Variants in SYMPK observed in about 807,000 individuals in gnomAD.
SYMPK encodes the protein symplekin scaffold protein, also known as symplekin.
Under a neutral mutation model 136.4 loss-of-function variants are expected in SYMPK, and 49 were observed. That is an observed-to-expected ratio of 0.36 (90% CI 0.29 to 0.46). The LOEUF is 0.46. SYMPK is among the 20% of genes least tolerant of loss of function. The pLI is 1.00. For synonymous variants in SYMPK, 766 were observed against 713.0 expected (o/e 1.07, Z -1.19); for missense variants, 1,365 against 1,690.0 (o/e 0.81, Z 3.37).
intron 1 of SYMPK, among the ~76,000 whole-genome samples, chr19:45,861,699 T>G (rs548563866): frequency 6.6e-6 from 1 of 150,674 alleles, no homozygotes; most frequent in African/African-American, 2.4e-5. Flanking sequence ...ATCACGCCAC[T>G]GCACTCCAGC....
At position 45,818,121 on chromosome 19, in the gene SYMPK, C is replaced by G. The variant is rs1359947639; in HGVS notation, c.2919G>C (p.Arg973=). Residue 973 remains arginine, a synonymous_variant, in exon 23 of 27, where the codon CGG becomes CGC. Coordinates refer to ENST00000245934, the MANE Select transcript of SYMPK (RefSeq NM_004819.3). The part of the protein sequence containing the change: ...IKATNLCFAE[R]NVYTSEVLAV... The stretch of plus-strand genomic sequence containing the variant: ...CCAGCACCTCTGACGTGTACACGTT[C>G]CGCTCCGCAAAGCACAGGTTGGTGG... The G allele has an allele frequency of 6.4e-7, 1 of 1,552,572 alleles. No individual in the cohort carries two copies. The highest frequency in any genetic ancestry group is 8.7e-7 in the Non-Finnish European group (1 of 1,147,680).
chr19:45,858,576 C>T (rs1405153911), intron 1 of SYMPK, among the ~76,000 whole-genome samples: 1 of 152,040 alleles, frequency 6.6e-6, no homozygotes, highest in Non-Finnish European at 1.5e-5. Flanking sequence ...AGTGCAATGG[C>T]GTGATCTCAG....
chr19:45,816,860 C>T lies in SYMPK; in HGVS notation c.3196G>A (p.Asp1066Asn), dbSNP rs1470963474. The T allele has an allele frequency of 6.5e-7, 1 of 1,549,832 alleles. No individual in the cohort carries two copies. Among genetic ancestry groups the T allele is most frequent in the East Asian group, 2.4e-5 (1 of 41,040 alleles). The change falls in exon 24 of 27, where the codon GAC becomes AAC. Residue 1066 changes from aspartate (D) to asparagine (N), a missense_variant. Physicochemically the swap from Asp to Asn is conservative, Grantham distance 23. Around this residue, in one of 11 missense-constraint regions of SYMPK, gnomAD observed 156 missense variants for 217.8 expected, o/e 0.72. Transcript: ENST00000245934. ...GGCTCCCGGAGCTCTGGGCACTTGT[C>T]AAAGACGGCTCCCAGCTGCTGGGGC... ...LPPQQLGAVF[D>N]KCPELREPLL... is the part of the protein sequence containing the mutation.
rs770608220 is a variant in SYMPK, at chr19:45,844,179, T to C, written c.698A>G (p.Lys233Arg). Residue 233 changes from lysine (K) to arginine (R), a missense_variant, in exon 8 of 27, where the codon AAG (lysine) becomes AGG (arginine). Transcript: ENST00000245934. ...IQYNVLWEEG[K>R]AALEQLLKFM... Reference sequence around the variant, plus strand: ...CTTAAGCAGCTGCTCCAAGGCTGCCTTGCCCTCTTCCCATAGCACGTCTAA... The same window carrying C: ...CTTAAGCAGCTGCTCCAAGGCTGCCCTGCCCTCTTCCCATAGCACGTCTAA... The C allele has an allele frequency of 4.4e-6, 7 of 1,606,054 alleles. No homozygotes were observed. The African/African-American group carries it at 5.4e-5, about 12-fold the overall frequency.
At chr19:45,835,942 A>AAAGAAAGC (rs1368218889) in intron 10 of SYMPK, among the ~76,000 whole-genome samples, 89 of 151,496 alleles carry the variant, frequency 5.9e-4, no homozygotes, top group African/African-American at 2.0e-3. Context: ...AGAAAGAAAG[A>AAAGAAAGC]AAGCAAAAAG....
At chr19:45,835,285 T>C (rs2146320928) in intron 10 of SYMPK, 57 bp from the exon 11 acceptor site, 1 of 1,500,338 alleles carries the variant, frequency 6.7e-7, no homozygotes, top group East Asian at 2.3e-5. Flanking sequence ...GAAGCATTCT[T>C]TCCATGCCCA....
intron 1 of SYMPK, among the ~76,000 whole-genome samples, chr19:45,858,173 A>G (rs1971879211): frequency 6.6e-6 from 1 of 152,138 alleles, no homozygotes; most frequent in African/African-American, 2.4e-5. Context: ...GGTCTCCTCA[A>G]TGAATGACGA....
intron 1 of SYMPK, among the ~76,000 whole-genome samples, chr19:45,859,364 A>G (rs1014880200): frequency 1.3e-5 from 2 of 151,704 alleles, no homozygotes; most frequent in African/African-American, 4.8e-5. Flanking sequence ...TTGGGAGGCC[A>G]AAGTGGACAG....
intron 1 of SYMPK, among the ~76,000 whole-genome samples, chr19:45,857,987 C>T (rs1347070609): frequency 2.6e-5 from 4 of 151,748 alleles, no homozygotes; most frequent in East Asian, 1.9e-4. Context: ...TTAGTAGAGA[C>T]GAAGTTTTAC....
intron 11 of SYMPK, 120 bp downstream of exon 11, chr19:45,834,958 C>A: frequency 1.0e-6 from 1 of 955,000 alleles, no homozygotes; most frequent in South Asian, 2.3e-5. Context: ...CTGTCATTAT[C>A]TACACCTTAG....
intron 5 of SYMPK, among the ~76,000 whole-genome samples, chr19:45,850,680 CGTGTGCAACAA>C (rs1173132247): frequency 6.6e-6 from 1 of 152,166 alleles, no homozygotes; most frequent in Non-Finnish European, 1.5e-5. Context: ...AACTCATTCA[CGTGTGCAACAA>C]ATACGTAGTC....
intron 19 of SYMPK, 79 bp downstream of exon 19, chr19:45,823,688 A>G (rs957626723): frequency 7.7e-7 from 1 of 1,295,808 alleles, no homozygotes; most frequent in African/African-American, 1.5e-5. Flanking sequence ...CTGGGGACCC[A>G]GCAGCTCAGA....
rs1156257024 is a variant in SYMPK at position 45,826,291 on chromosome 19, T to G, written c.2264A>C (p.Asn755Thr). Reference protein sequence around the residue: ...LREYVEKFALNYLQLLVHPNP... With the variant: ...LREYVEKFALTYLQLLVHPNP... ...GGGGTGCACCAGGAGCTGCAGGTAG[T>G]TGAGGGCAAATTTCTCCACATACTC... The change falls in exon 17 of 27, where the codon AAC becomes ACC. Residue 755 changes from asparagine to threonine, a missense_variant. Asn to Thr is a moderately conservative substitution (Grantham distance 65, BLOSUM62 0). This residue lies in a region of SYMPK where 92 missense variants were observed against 198.6 expected (regional missense o/e 0.46). Coordinates refer to ENST00000245934, the MANE Select transcript of SYMPK (RefSeq NM_004819.3). 6.2e-7 allele frequency: 1 copy of G among 1,613,790 alleles called. No homozygotes were observed. The highest frequency in any genetic ancestry group is 8.5e-7 in the Non-Finnish European group (1 of 1,179,958).
intron 26 of SYMPK, 76 bp from the exon 27 acceptor site, chr19:45,815,773 C>A (rs1354234715): frequency 1.9e-6 from 3 of 1,587,764 alleles, no homozygotes; most frequent in African/African-American, 2.7e-5. Flanking sequence ...GCCCTGCCCC[C>A]TGATGGCCCC....
At chr19:45,823,314 C>T in intron 20 of SYMPK, 58 bp downstream of exon 20, 1 of 1,541,876 alleles carries the variant, frequency 6.5e-7, no homozygotes, top group Non-Finnish European at 9.0e-7. Context: ...TGCTGCCCTG[C>T]CCCTCCCAGT....
chr19:45,858,435 A>G (rs1347661555), intron 1 of SYMPK, among the ~76,000 whole-genome samples: 1 of 151,890 alleles, frequency 6.6e-6, no homozygotes, highest in African/African-American at 2.4e-5. Flanking sequence ...CTCCTCCTAG[A>G]TATCAGCACA....
At position 45,827,914 on chromosome 19, in the gene SYMPK, A is replaced by G; in HGVS notation, c.1990T>C (p.Phe664Leu). 1 of 1,613,808 alleles carries G rather than the reference A, an allele frequency of 6.2e-7. No homozygotes were observed. The highest frequency in any genetic ancestry group is 1.1e-5 in the South Asian group (1 of 91,088). Residue 664 changes from phenylalanine (F) to leucine (L), a missense_variant, in exon 15 of 27, where the codon TTC becomes CTC. Physicochemically the swap from Phe to Leu is conservative, Grantham distance 22. Transcript: ENST00000245934. The part of the protein sequence containing the change: ...QEKPDQKDGI[F>L]TKVVLEAPLI... ...GGCGCCTCCAGCACAACCTTGGTGAAGATCCTGCCAGAGATGGAGGGAGGG... is the reference window on the plus strand; with the variant it reads ...GGCGCCTCCAGCACAACCTTGGTGAGGATCCTGCCAGAGATGGAGGGAGGG...
chr19:45,826,413 G>A, intron 16 of SYMPK, 40 bp from the exon 17 acceptor site: 1 of 1,604,290 alleles, frequency 6.2e-7, no homozygotes, highest in Non-Finnish European at 8.5e-7. Context: ...CAGGGAAGAG[G>A]TAAGAGGAAG....
At chr19:45,824,002 G>C in intron 18 of SYMPK, 127 bp from the exon 19 acceptor site, 1 of 547,522 alleles carries the variant, frequency 1.8e-6, no homozygotes, top group South Asian at 1.8e-5. Flanking sequence ...AGGGTTTGGA[G>C]GGCGGGGGAA....
Sources: gnomAD v4.1 joint callset for allele counts (sites outside exome capture counted in the v4.1 genomes callset) on GRCh38, gnomAD v4.1.1 for gene constraint, gnomAD v4.1.1 regional missense constraint, MANE v1.5 for transcripts, NCBI Gene and HGNC (gene_info 2026-07-23, HGNC 2026-07-21) for gene names.